The following C1QTNF1 variants were observed in gnomAD, a reference collection of about 807,000 sequenced individuals.
The protein encoded by C1QTNF1 is complement C1q tumor necrosis factor-related protein 1.
In C1QTNF1, 22 loss-of-function variants were observed where a neutral mutation model predicts 27.8. The observed-to-expected ratio is 0.79, with a 90% CI of 0.56 to 1.13. The LOEUF (loss-of-function observed/expected upper bound fraction) is 1.13. Among genes scored for constraint, C1QTNF1 ranks in the 50% most tolerant of loss-of-function variants. C1QTNF1 has a pLI of 0.00. For missense variants in C1QTNF1, 373 were observed against 380.2 expected (o/e 0.98, Z 0.16); for synonymous variants, 166 against 154.3 (o/e 1.08, Z -0.56).
In C1QTNF1 at chr17:79,047,946, G is replaced by A. The variant is rs984230490; in HGVS notation, c.704G>A (p.Ser235Asn). Residue 235 changes from serine to asparagine, a missense_variant, in exon 4 of 4, where the codon AGC (serine) becomes AAC (asparagine). Transcript: ENST00000579760. Reference protein sequence around the residue: ...VGDRSIMQSQSLMLELREQDQ... With the variant: ...VGDRSIMQSQNLMLELREQDQ... ...GACCGCAGCATCATGCAAAGCCAGA[G>A]CCTGATGCTGGAGCTGCGAGAGCAG... 5 of 1,613,932 alleles carry A rather than the reference G, an allele frequency of 3.1e-6. No individual in the cohort carries two copies. The Admixed American group carries it at 6.7e-5, about 22-fold the overall frequency.
At chr17:79,035,893 C>T (rs556173353) in intron 1 of C1QTNF1, among the ~76,000 whole-genome samples, 21 of 152,150 alleles carry the variant, frequency 1.4e-4, no homozygotes, top group Non-Finnish European at 2.5e-4. Flanking sequence ...GTCTGGGGGA[C>T]AGCGGAGCCC....
intron 1 of C1QTNF1, among the ~76,000 whole-genome samples, chr17:79,037,375 C>T (rs575291312): frequency 2.1e-4 from 32 of 152,228 alleles, no homozygotes; most frequent in Non-Finnish European, 3.1e-4. Context: ...GTGATCCACC[C>T]GCCTCGGCCT....
At chr17:79,031,745 T>C (rs1336660329) in intron 1 of C1QTNF1, among the ~76,000 whole-genome samples, 2 of 152,176 alleles carry the variant, frequency 1.3e-5, no homozygotes, top group African/African-American at 4.8e-5. Context: ...CACCCAGCCA[T>C]GTATTTCATT....
rs570448278 is a variant in C1QTNF1, at chr17:79,048,270, C to T, written c.*182C>T. ...TCCCGCAGCCTCTGGAGAGAGCTGA[C>T]GGCAGATGAAATCACCAGGGCGGGG... On this transcript the variant is annotated 3_prime_UTR_variant, in exon 4 of 4. Coordinates refer to ENST00000579760, the MANE Select transcript of C1QTNF1 (RefSeq NM_030968.5). The T allele has an allele frequency of 2.1e-5, 14 of 661,882 alleles. No individual in the cohort carries two copies. The highest frequency in any genetic ancestry group is 5.4e-5 in the African/African-American group (3 of 55,136). 41.0% of individuals were successfully genotyped at this position (661,882 alleles called of 1,614,324 possible). A position where few individuals can be genotyped will look rare whatever the true frequency, so the allele number is the denominator to read the frequency against.
At position 79,030,447 on chromosome 17, in the gene C1QTNF1, CTTCT is replaced by C. The variant is rs199793022; in HGVS notation, c.-15+5964_-15+5967del. Reference sequence around the variant, plus strand: ...TGCTTTACAAACTTTCTCTCTCTTTCTTCTTTCTTTCTTTTCTTTCTTTCTTTCT... The same window carrying C: ...TGCTTTACAAACTTTCTCTCTCTTTCTTCTTTCTTTTCTTTCTTTCTTTCT... On this transcript the variant is annotated intron_variant, in intron 1 of 3. Transcript: ENST00000579760. Among the ~76,000 whole-genome samples the C allele has an allele frequency of 7.0e-3, 1,026 of 146,796 alleles. 10 individuals carry two copies. Among genetic ancestry groups the C allele is most frequent in the African/African-American group, 0.023 (930 of 39,896 alleles).
intron 1 of C1QTNF1, among the ~76,000 whole-genome samples, chr17:79,029,497 G>A (rs758181038): frequency 6.6e-6 from 1 of 151,784 alleles, no homozygotes; most frequent in Non-Finnish European, 1.5e-5. Context: ...GTGTAGGGAA[G>A]GCACCATGGC....
At chr17:79,034,760 T>C (rs1448861199) in intron 1 of C1QTNF1, among the ~76,000 whole-genome samples, 2 of 152,208 alleles carry the variant, frequency 1.3e-5, no homozygotes, top group African/African-American at 4.8e-5. Context: ...CACCTAAGCC[T>C]TAAAAACAAA....
At position 79,030,493 on chromosome 17, in the gene C1QTNF1, C is replaced by CT. The variant is rs780454860; in HGVS notation, c.-15+6002dup. ...TTTCTTTCTTTCTTTCTTTTTCTTT[C>CT]TTTCTTTCTTTCTTTCTTTCTTTCT... On this transcript the variant is annotated intron_variant, in intron 1 of 3. Transcript: ENST00000579760. Among the ~76,000 whole-genome samples the CT allele has an allele frequency of 1.1e-4, 9 of 85,400 alleles. No individual in the cohort carries two copies. In the South Asian group the frequency reaches 4.2e-3, roughly 40 times the overall value. 56.0% of individuals were successfully genotyped at this position (85,400 alleles called of 152,430 possible). A position where few individuals can be genotyped will look rare whatever the true frequency, so the allele number is the denominator to read the frequency against.
At chr17:79,043,586 CAT>C (rs751571953) in intron 1 of C1QTNF1, 3 of 440,888 alleles carry the variant, frequency 6.8e-6, no homozygotes, top group South Asian at 1.7e-5. Flanking sequence ...GTGTGGATTA[CAT>C]GTGTGTGGAT....
intron 1 of C1QTNF1, among the ~76,000 whole-genome samples, chr17:79,030,473 TTCTTTCTTTCTTTTTCTTTCTTTCTTTC>T (rs1235030487): frequency 2.6e-5 from 3 of 117,018 alleles, no homozygotes; most frequent in African/African-American, 9.9e-5. Flanking sequence ...CTTTCTTTCT[TTCTTTCTTTCTTTTTCTTTCTTTCTTTC>T]TTTCTTTCTT....
intron 1 of C1QTNF1, among the ~76,000 whole-genome samples, chr17:79,037,938 C>G (rs1307297601): frequency 6.6e-6 from 1 of 150,760 alleles, no homozygotes; most frequent in East Asian, 2.0e-4. Context: ...TCCCAAAGTG[C>G]TGGGATGACA....
At chr17:79,043,039 AATGTGTGTGC>A (rs2072456184) in intron 1 of C1QTNF1, among the ~76,000 whole-genome samples, 1 of 149,190 alleles carries the variant, frequency 6.7e-6, no homozygotes, top group Non-Finnish European at 1.5e-5. Flanking sequence ...CATGTATATG[AATGTGTGTGC>A]ATGTGTGGGT....
At chr17:79,045,164 C>T (rs1205612974) in intron 2 of C1QTNF1, among the ~76,000 whole-genome samples, 1 of 152,136 alleles carries the variant, frequency 6.6e-6, no homozygotes, top group African/African-American at 2.4e-5. Context: ...TCTTGAAGGA[C>T]ACCTGCGGGC....
chr17:79,044,380 GC>G (rs2145926263), intron 2 of C1QTNF1, among the ~76,000 whole-genome samples: 1 of 152,336 alleles, frequency 6.6e-6, no homozygotes, highest in Non-Finnish European at 1.5e-5. Context: ...TCTGCAAGTG[GC>G]TTTGCAGCTG....
chr17:79,041,218 G>T (rs1036981484), intron 1 of C1QTNF1, among the ~76,000 whole-genome samples: 2 of 152,188 alleles, frequency 1.3e-5, no homozygotes, highest in African/African-American at 2.4e-5. Flanking sequence ...GGGCCCTGAC[G>T]CATGGGAGGG....
chr17:79,043,902 T>C (rs762449777), intron 1 of C1QTNF1, 53 bp from the exon 2 acceptor site: 5 of 1,600,474 alleles, frequency 3.1e-6, no homozygotes, highest in South Asian at 1.1e-5. Flanking sequence ...GCTGTTTCTC[T>C]GTGCAGCTCC....
intron 1 of C1QTNF1, among the ~76,000 whole-genome samples, chr17:79,032,299 A>G (rs946347000): frequency 4.4e-4 from 67 of 152,250 alleles, no homozygotes; most frequent in African/African-American, 1.6e-3. Flanking sequence ...ATCCAGACAG[A>G]GGAAAGAGCG....
Position 79,047,656 on chromosome 17 carries a change from G to A in C1QTNF1, c.414G>A (p.Gly138=), listed in dbSNP as rs376304337. 7 of 1,610,750 alleles carry A rather than the reference G, an allele frequency of 4.3e-6. No individual in the cohort carries two copies. Among genetic ancestry groups the A allele is most frequent in the Non-Finnish European group, 5.9e-6 (7 of 1,177,642 alleles). ...AGAAGGGCTCCATGGGGGCCCCTGG[G>A]GAGCGGTGCAAGAGCCACTACGCCG... is the stretch of plus-strand genomic sequence containing the variant. ...KGQKGSMGAP[G]ERCKSHYAAF... Residue 138 remains glycine, a synonymous_variant, in exon 4 of 4, where the codon GGG becomes GGA. Transcript: ENST00000579760.
chr17:79,023,706 A>G (rs4012976), upstream of C1QTNF1, among the ~76,000 whole-genome samples: 2,912 of 14,692 alleles, frequency 0.2, 31 homozygotes, highest in Non-Finnish European at 0.26. Flanking sequence ...GCGCGCGCGC[A>G]CACACACACA....
Sources: gnomAD v4.1 joint callset for allele counts (sites outside exome capture counted in the v4.1 genomes callset) on GRCh38, gnomAD v4.1.1 for gene constraint, MANE v1.5 for transcripts, NCBI Gene and HGNC (gene_info 2026-07-23, HGNC 2026-07-21) for gene names.